Variants in TUBB8B observed in about 807,000 individuals in gnomAD.
The protein encoded by TUBB8B is tubulin beta 8B.
A neutral mutation model predicts 31.9 loss-of-function variants in TUBB8B; 26 were observed. The ratio of observed to expected loss-of-function variants is 0.81; its 90% CI spans 0.60 to 1.13. TUBB8B has a LOEUF of 1.13. Ranked by LOEUF, TUBB8B falls within the 50% of genes most tolerant of loss-of-function variation. The pLI is 0.00. For synonymous variants in TUBB8B, 173 were observed against 231.0 expected, an observed-to-expected ratio of 0.75 and a Z score of 2.28; for missense variants, 467 against 586.7, an observed-to-expected ratio of 0.80 and a Z score of 2.11.
At chr18:63,695 CCCTAA>C in the TUBB8B span, among the ~76,000 whole-genome samples, 1 of 135,228 alleles carries the variant, frequency 7.4e-6, no homozygotes, top group Admixed American at 7.0e-5. Context: ...TAACCCCTAA[CCCTAA>C]CCCTAACCCT....
At chr18:65,715 GA>G in the TUBB8B span, among the ~76,000 whole-genome samples, 1 of 152,084 alleles carries the variant, frequency 6.6e-6, no homozygotes, top group South Asian at 2.1e-4. Context: ...AAATAGGAGA[GA>G]AAAGGAAGTA....
chr18:61,379 T>G, the TUBB8B span, among the ~76,000 whole-genome samples: 1 of 151,632 alleles, frequency 6.6e-6, no homozygotes, highest in Non-Finnish European at 1.5e-5. Context: ...CACAGATTAT[T>G]GTCTTGCTTC....
chr18:62,018 G>C, the TUBB8B span, among the ~76,000 whole-genome samples: 2 of 151,756 alleles, frequency 1.3e-5, no homozygotes, highest in Non-Finnish European at 2.9e-5. Context: ...TTGTAGGACA[G>C]GTCTGGTGTT....
At chr18:65,515 A>G in the TUBB8B span, among the ~76,000 whole-genome samples, 5 of 152,140 alleles carry the variant, frequency 3.3e-5, no homozygotes, top group African/African-American at 1.2e-4. Flanking sequence ...TACTTTAAAC[A>G]AAGTCAACAC....
the TUBB8B span, among the ~76,000 whole-genome samples, chr18:63,615 C>A: frequency 5.4e-3 from 812 of 151,756 alleles, 8 homozygotes; most frequent in African/African-American, 0.019. Context: ...TTATTAAAAG[C>A]CCTAGCCCTA....
the TUBB8B span, among the ~76,000 whole-genome samples, chr18:62,713 A>C: frequency 6.6e-6 from 1 of 151,924 alleles, no homozygotes; most frequent in Non-Finnish European, 1.5e-5. Flanking sequence ...GAGCCACTGC[A>C]CTGGGCCAAT....
At chr18:70,387 C>T in the TUBB8B span, among the ~76,000 whole-genome samples, 9,931 of 133,844 alleles carry the variant, frequency 0.074, no homozygotes, top group Middle Eastern at 0.14. Flanking sequence ...AATCCCAACA[C>T]TTTGGGAGGA....
At chr18:59,763 T>C in the TUBB8B span, among the ~76,000 whole-genome samples, 1 of 151,628 alleles carries the variant, frequency 6.6e-6, no homozygotes, top group African/African-American at 2.4e-5. Context: ...AGGCTGGTTT[T>C]GAACTCCTGA....
At chr18:63,518 A>G in the TUBB8B span, among the ~76,000 whole-genome samples, 2 of 151,674 alleles carry the variant, frequency 1.3e-5, no homozygotes, top group Non-Finnish European at 2.9e-5. Context: ...ATCACCACTG[A>G]GACTGCGCTG....
chr18:49,943 T>A (rs1266515275), upstream of TUBB8B: 1 of 461,312 alleles, frequency 2.2e-6, no homozygotes. Flanking sequence ...TGTCCTAGAT[T>A]GATATTTTTG....
chr18:60,509 G>A, the TUBB8B span, among the ~76,000 whole-genome samples: 1 of 151,374 alleles, frequency 6.6e-6, no homozygotes, highest in African/African-American at 2.4e-5. Flanking sequence ...TTTGAGTTTT[G>A]TTTGGCCTTT....
At chr18:64,684 C>T in the TUBB8B span, among the ~76,000 whole-genome samples, 1 of 152,114 alleles carries the variant, frequency 6.6e-6, no homozygotes, top group African/African-American at 2.4e-5. Flanking sequence ...AAGACTGCGC[C>T]ACTGCACTCC....
chr18:68,268 A>G, the TUBB8B span, among the ~76,000 whole-genome samples: 1 of 151,952 alleles, frequency 6.6e-6, no homozygotes, highest in Non-Finnish European at 1.5e-5. Context: ...AGTTACAGCA[A>G]CTCCACACAA....
At chr18:48,901 G>A (rs775660957) in intron 3 of TUBB8B, 39 bp downstream of exon 3, 11 of 1,396,774 alleles carry the variant, frequency 7.9e-6, no homozygotes, top group Non-Finnish European at 1.0e-5. Context: ...GAGCTGCCCT[G>A]GCTAAGGAGC....
At chr18:52,696 G>C (rs1033284966), upstream of TUBB8B, among the ~76,000 whole-genome samples, 4 of 151,922 alleles carry the variant, frequency 2.6e-5, no homozygotes, top group Non-Finnish European at 5.9e-5. Context: ...CTGGAAAAGA[G>C]GGTCCTGATA....
chr18:57,364 TA>T, the TUBB8B span, among the ~76,000 whole-genome samples: 7 of 151,750 alleles, frequency 4.6e-5, no homozygotes, highest in African/African-American at 1.7e-4. Flanking sequence ...CTAAAAGGAA[TA>T]AATCAGCTAA....
chr18:65,011 G>A, the TUBB8B span, among the ~76,000 whole-genome samples: 1 of 152,056 alleles, frequency 6.6e-6, no homozygotes, highest in Non-Finnish European at 1.5e-5. Context: ...AATTAATAAT[G>A]TTCAAGAGGC....
chr18:47,655 G>C lies in TUBB8B; in HGVS notation c.1070C>G (p.Pro357Arg), dbSNP rs989390207. The change falls in exon 4 of 4, where the codon CCA becomes CGA. Residue 357 changes from proline to arginine, a missense_variant. Pro to Arg is a moderately radical substitution (Grantham distance 103, BLOSUM62 -2). Around this residue, in one of 2 missense-constraint regions of TUBB8B, gnomAD observed 208 missense variants for 206.7 expected, o/e 1.01. Transcript: ENST00000308911. The stretch of plus-strand genomic sequence containing the variant: ...GGCTGACATTTTTAGCCCCCGGGGT[G>C]GGATGTCACAGACGGCTGTTTTTAC... ...DNVKTAVCDIPPRGLKMSATF... is the reference protein window; with the variant it reads ...DNVKTAVCDIRPRGLKMSATF... 2 of 1,612,386 alleles carry C rather than the reference G, an allele frequency of 1.2e-6. No homozygotes were observed. The highest frequency in any genetic ancestry group is 2.7e-5 in the African/African-American group (2 of 74,910).
chr18:63,328 G>A, the TUBB8B span, among the ~76,000 whole-genome samples: 1 of 151,938 alleles, frequency 6.6e-6, no homozygotes, highest in Non-Finnish European at 1.5e-5. Context: ...CAAAAGCACA[G>A]TAGCAAACAT....
Sources: allele counts gnomAD v4.1 joint callset (sites outside exome capture counted in the v4.1 genomes callset), GRCh38; gene constraint gnomAD v4.1.1; regional missense constraint gnomAD v4.1.1; transcripts MANE v1.5; gene names NCBI Gene and HGNC (gene_info 2026-07-23, HGNC 2026-07-21).